The following KCNQ1OT1 variants were observed in gnomAD, a reference collection of about 807,000 sequenced individuals.
KCNQ1OT1 encodes KCNQ1 opposite strand/antisense transcript 1.
At chr11:2,616,310 T>G (rs1849063424) in exon 1 of KCNQ1OT1, 1 of 397,732 alleles carries the variant, frequency 2.5e-6, no homozygotes. Context: ...TAGTTAAAGG[T>G]TTTCAACTTT....
rs534548640 is a variant in KCNQ1OT1 at position 2,678,203 on chromosome 11, A to G, written n.21792T>C. On this transcript the variant is annotated non_coding_transcript_exon_variant, in exon 1 of 1. Transcript: ENST00000597346. This position sits in a 1 kb window ranked among gnomAD's most constrained non-coding sequence, Gnocchi z 4.9. ...TGGCAGAATTTTTTTAATTTCACAT[A>G]GTCAGCTGTGTCAGTCTTTTATGGT... 1 of 398,220 alleles carries G rather than the reference A, an allele frequency of 2.5e-6. No homozygotes were observed. The highest frequency in any genetic ancestry group is 3.6e-5 in the East Asian group (1 of 28,012). The allele number at this position is 398,220 out of a possible 1,614,324, so 24.7% of individuals were successfully genotyped here.
chr11:2,679,851 AT>A lies in KCNQ1OT1; in HGVS notation n.20143del. On this transcript the variant is annotated non_coding_transcript_exon_variant, in exon 1 of 1. Coordinates refer to ENST00000597346, the Ensembl canonical transcript of KCNQ1OT1. The surrounding 1 kb of genome is among the most constrained non-coding windows in gnomAD (Gnocchi z 4.8). ...TACTTCTGAATTTTATAGGACATGC[AT>A]TTTTTTCATATAAACTTAGAACTAG... 1 of 398,218 alleles carries A rather than the reference AT, an allele frequency of 2.5e-6. No homozygotes were observed. The highest frequency in any genetic ancestry group is 1.3e-4 in the South Asian group (1 of 7,842). The allele number at this position is 398,218 out of a possible 1,614,324, so 24.7% of individuals were successfully genotyped here.
At chr11:2,615,109 CCTT>C in exon 1 of KCNQ1OT1, 2 of 398,178 alleles carry the variant, frequency 5.0e-6, no homozygotes, top group Non-Finnish European at 8.9e-6. Context: ...AAGTCTTTCA[CCTT>C]CTTGTTTTAA....
chr11:2,652,921 T>G lies in KCNQ1OT1; in HGVS notation n.47074A>C, dbSNP rs1044203931. ...GTCCTCAGTATCCTAAACTTAGGTT[T>G]TGGAAAGCCCAGCATCCTCCCTGGG... On this transcript the variant is annotated non_coding_transcript_exon_variant, in exon 1 of 1. Coordinates refer to ENST00000597346, the Ensembl canonical transcript of KCNQ1OT1. This position sits in a 1 kb window ranked among gnomAD's most constrained non-coding sequence, Gnocchi z 5.9. 1 of 398,498 alleles carries G rather than the reference T, an allele frequency of 2.5e-6. No individual in the cohort carries two copies. Among genetic ancestry groups the G allele is most frequent in the African/African-American group, 2.1e-5 (1 of 48,620 alleles). 24.7% of individuals were successfully genotyped at this position (398,498 alleles called of 1,614,324 possible). A position where few individuals can be genotyped will look rare whatever the true frequency, so the allele number is the denominator to read the frequency against.
chr11:2,641,137 A>C (rs1328129234), exon 1 of KCNQ1OT1: 1 of 398,520 alleles, frequency 2.5e-6, no homozygotes, highest in African/African-American at 2.1e-5. Flanking sequence ...ACGGGGATGC[A>C]GGTACATTTT....
In KCNQ1OT1 at chr11:2,655,352, C is replaced by G. The variant is rs1239806015; in HGVS notation, n.44643G>C. ...AAAGGCAGCCAAAGAATTAAAGCAT[C>G]AAAAACCAGGACTGTCTTAGGAAAG... On this transcript the variant is annotated non_coding_transcript_exon_variant, in exon 1 of 1. Coordinates refer to ENST00000597346, the Ensembl canonical transcript of KCNQ1OT1. The G allele has an allele frequency of 3.0e-5, 12 of 398,536 alleles. No individual in the cohort carries two copies. In the East Asian group the frequency reaches 4.3e-4, roughly 14 times the overall value. 24.7% of individuals were successfully genotyped at this position (398,536 alleles called of 1,614,324 possible).
At chr11:2,648,973 TTC>T (rs1849709916) in exon 1 of KCNQ1OT1, 1 of 382,318 alleles carries the variant, frequency 2.6e-6, no homozygotes, top group Non-Finnish European at 4.5e-6. Context: ...TGTCTCTTTT[TTC>T]TTTTTCTTTT....
At position 2,682,687 on chromosome 11, in the gene KCNQ1OT1, G is replaced by C. The variant is rs533991433; in HGVS notation, n.17308C>G. 94 of 398,518 alleles carry C rather than the reference G, an allele frequency of 2.4e-4. No homozygotes were observed. The highest frequency in any genetic ancestry group is 3.8e-4 in the Non-Finnish European group (85 of 226,048). 24.7% of individuals were successfully genotyped at this position (398,518 alleles called of 1,614,324 possible). A position where few individuals can be genotyped will look rare whatever the true frequency, so the allele number is the denominator to read the frequency against. ...ACATGCTATTGTCCATAGAAGCTGG[G>C]GTCCAAAGTTGACCAGAATATCTCT... On this transcript the variant is annotated non_coding_transcript_exon_variant, in exon 1 of 1. Coordinates refer to ENST00000597346, the Ensembl canonical transcript of KCNQ1OT1. The surrounding 1 kb of genome is among the most constrained non-coding windows in gnomAD (Gnocchi z 5.8).
chr11:2,618,403 C>A (rs1410336926), exon 1 of KCNQ1OT1: 1 of 398,382 alleles, frequency 2.5e-6, no homozygotes, highest in East Asian at 3.6e-5. Flanking sequence ...GGTCTGTGGG[C>A]CATGGGTTGG....
chr11:2,633,442 C>G (rs551684678), exon 1 of KCNQ1OT1: 1 of 398,516 alleles, frequency 2.5e-6, no homozygotes, highest in Admixed American at 4.4e-5. Flanking sequence ...ATAAAATCTT[C>G]GCTAGACCCA....
exon 1 of KCNQ1OT1, chr11:2,615,026 A>G (rs1849038717): frequency 2.5e-6 from 1 of 398,266 alleles, no homozygotes. Context: ...ATCTGTGAAC[A>G]CAGGATGTAT....
Position 2,683,310 on chromosome 11 carries a change from T to C in KCNQ1OT1, n.16685A>G, listed in dbSNP as rs76341569. ...GTTTTAGTTTGCAAAACCAGACACA[T>C]AGAGGCCAGGTTTCCCCCGCTCAAC... is the stretch of plus-strand genomic sequence containing the variant. On this transcript the variant is annotated non_coding_transcript_exon_variant, in exon 1 of 1. Coordinates refer to ENST00000597346, the Ensembl canonical transcript of KCNQ1OT1. The surrounding 1 kb of genome is among the most constrained non-coding windows in gnomAD (Gnocchi z 4.7). The C allele has an allele frequency of 1.8e-5, 7 of 398,414 alleles. No homozygotes were observed. Among genetic ancestry groups the C allele is most frequent in the Non-Finnish European group, 2.7e-5 (6 of 226,066 alleles). 24.7% of individuals were successfully genotyped at this position (398,414 alleles called of 1,614,324 possible). A position where few individuals can be genotyped will look rare whatever the true frequency, so the allele number is the denominator to read the frequency against.
At position 2,661,854 on chromosome 11, in the gene KCNQ1OT1, C is replaced by A; in HGVS notation, n.38141G>T. 2 of 1,412,912 alleles carry A rather than the reference C, an allele frequency of 1.4e-6. No homozygotes were observed. Among genetic ancestry groups the A allele is most frequent in the Non-Finnish European group, 2.0e-6 (2 of 1,001,556 alleles). The allele number at this position is 1,412,912 out of a possible 1,614,324, so 87.5% of individuals were successfully genotyped here. Reference sequence around the variant, plus strand: ...GATTGTCAGGGCTGGAGCTTCCAGGCACAAGCTCCACTCCTCACCTGGCCC... The same window carrying A: ...GATTGTCAGGGCTGGAGCTTCCAGGAACAAGCTCCACTCCTCACCTGGCCC... On this transcript the variant is annotated non_coding_transcript_exon_variant, in exon 1 of 1. Coordinates refer to ENST00000597346, the Ensembl canonical transcript of KCNQ1OT1. The surrounding 1 kb of genome is among the most constrained non-coding windows in gnomAD (Gnocchi z 5.9).
In KCNQ1OT1 at chr11:2,645,173, G is replaced by A. The variant is rs902349427; in HGVS notation, n.54822C>T. Reference sequence around the variant, plus strand: ...TCTGCCTCCCAAGGTGTCCATGCTGGTATTGGGATGGCTGGGATAAGCTGG... The same window carrying A: ...TCTGCCTCCCAAGGTGTCCATGCTGATATTGGGATGGCTGGGATAAGCTGG... On this transcript the variant is annotated non_coding_transcript_exon_variant, in exon 1 of 1. Transcript: ENST00000597346. The surrounding 1 kb of genome is among the most constrained non-coding windows in gnomAD (Gnocchi z 5.8). 1.3e-5 allele frequency: 5 copies of A among 398,548 alleles called. No homozygotes were observed. The highest frequency in any genetic ancestry group is 2.2e-5 in the Non-Finnish European group (5 of 226,116). The allele number at this position is 398,548 out of a possible 1,614,324, so 24.7% of individuals were successfully genotyped here.
rs1002317761 is a variant in KCNQ1OT1, at chr11:2,674,944, G to A, written n.25051C>T. 2.5e-6 allele frequency: 1 copy of A among 398,028 alleles called. No individual in the cohort carries two copies. The highest frequency in any genetic ancestry group is 4.4e-5 in the Admixed American group (1 of 22,682). The allele number at this position is 398,028 out of a possible 1,614,324, so 24.7% of individuals were successfully genotyped here. A position where few individuals can be genotyped will look rare whatever the true frequency, so the allele number is the denominator to read the frequency against. On this transcript the variant is annotated non_coding_transcript_exon_variant, in exon 1 of 1. Transcript: ENST00000597346. This position sits in a 1 kb window ranked among gnomAD's most constrained non-coding sequence, Gnocchi z 5.9. ...AGAGTTTTTCCAGGCCTCGCTTCTG[G>A]GGCTGACTGGAGCTGTTTCTCTTCG...
chr11:2,698,032 G>C lies in KCNQ1OT1; in HGVS notation n.1963C>G. 1 of 398,602 alleles carries C rather than the reference G, an allele frequency of 2.5e-6. No individual in the cohort carries two copies. Among genetic ancestry groups the C allele is most frequent in the Non-Finnish European group, 4.4e-6 (1 of 226,048 alleles). 24.7% of individuals were successfully genotyped at this position (398,602 alleles called of 1,614,324 possible). A position where few individuals can be genotyped will look rare whatever the true frequency, so the allele number is the denominator to read the frequency against. ...AAACAGGTGCAGAAATGGATCATTT[G>C]AGACACCATAGAAATCTGGTTAATC... On this transcript the variant is annotated non_coding_transcript_exon_variant, in exon 1 of 1. Coordinates refer to ENST00000597346, the Ensembl canonical transcript of KCNQ1OT1. The surrounding 1 kb of genome is among the most constrained non-coding windows in gnomAD (Gnocchi z 5.1).
Position 2,691,843 on chromosome 11 carries a change from C to A in KCNQ1OT1, n.8152G>T, listed in dbSNP as rs1182427755. The A allele has an allele frequency of 2.4e-4, 97 of 398,702 alleles. No individual in the cohort carries two copies. Among genetic ancestry groups the A allele is most frequent in the South Asian group, 5.1e-4 (4 of 7,866 alleles). The allele number at this position is 398,702 out of a possible 1,614,324, so 24.7% of individuals were successfully genotyped here. A position where few individuals can be genotyped will look rare whatever the true frequency, so the allele number is the denominator to read the frequency against. Reference sequence around the variant, plus strand: ...AATGTGACCTCTGCCAGGACCATGACCCCTAGGTCCTCTTTTCCATCCCTC... The same window carrying A: ...AATGTGACCTCTGCCAGGACCATGAACCCTAGGTCCTCTTTTCCATCCCTC... On this transcript the variant is annotated non_coding_transcript_exon_variant, in exon 1 of 1. Transcript: ENST00000597346. This position sits in a 1 kb window ranked among gnomAD's most constrained non-coding sequence, Gnocchi z 6.4.
chr11:2,673,947 G>C lies in KCNQ1OT1; in HGVS notation n.26048C>G, dbSNP rs1850237080. ...AGGGAGTGTGTCTCTTTCCCCATGA[G>C]TGACAGCAGCCACAAGGGGATGCCC... On this transcript the variant is annotated non_coding_transcript_exon_variant, in exon 1 of 1. Coordinates refer to ENST00000597346, the Ensembl canonical transcript of KCNQ1OT1. This position sits in a 1 kb window ranked among gnomAD's most constrained non-coding sequence, Gnocchi z 4.5. 9.7e-6 allele frequency: 2 copies of C among 206,970 alleles called. No individual in the cohort carries two copies. Among genetic ancestry groups the C allele is most frequent in the South Asian group, 3.6e-4 (2 of 5,576 alleles). 12.8% of individuals were successfully genotyped at this position (206,970 alleles called of 1,614,324 possible).
rs1370016414 is a variant in KCNQ1OT1 at position 2,690,810 on chromosome 11, C to T, written n.9185G>A. On this transcript the variant is annotated non_coding_transcript_exon_variant, in exon 1 of 1. Coordinates refer to ENST00000597346, the Ensembl canonical transcript of KCNQ1OT1. This position sits in a 1 kb window ranked among gnomAD's most constrained non-coding sequence, Gnocchi z 5.1. ...AGGAGGGAGGTCCCTGTCTCCTTGG[C>T]TTCCAGCTTCCAGGCTCTGGCACTC... The T allele has an allele frequency of 3.5e-5, 14 of 398,522 alleles. No homozygotes were observed. Among genetic ancestry groups the T allele is most frequent in the Non-Finnish European group, 5.7e-5 (13 of 226,090 alleles). The allele number at this position is 398,522 out of a possible 1,614,324, so 24.7% of individuals were successfully genotyped here. A position where few individuals can be genotyped will look rare whatever the true frequency, so the allele number is the denominator to read the frequency against.
Sources: allele counts gnomAD v4.1 joint callset, GRCh38; gene constraint gnomAD v4.1.1; non-coding constraint Gnocchi (gnomAD v3.1); transcripts MANE v1.5; gene names NCBI Gene and HGNC (gene_info 2026-07-23, HGNC 2026-07-21).